The following PHLDB2 variants were observed in gnomAD, a reference collection of about 807,000 sequenced individuals.
PHLDB2 encodes pleckstrin homology like domain family B member 2, also known as pleckstrin homology-like domain family B member 2.
In PHLDB2, 71 loss-of-function variants were observed where a neutral mutation model predicts 123.6. The ratio of observed to expected loss-of-function variants is 0.57; its 90% CI spans 0.47 to 0.70. PHLDB2 has a LOEUF of 0.70. PHLDB2 is among the 30% of genes least tolerant of loss of function. The pLI, the probability that PHLDB2 is intolerant of heterozygous loss-of-function variation, is 0.00. For missense variants in PHLDB2, 1,446 were observed against 1,519.5 expected (o/e 0.95, Z 0.80); for synonymous variants, 547 against 541.6 (o/e 1.01, Z -0.14).
intron 2 of PHLDB2, among the ~76,000 whole-genome samples, chr3:111,907,951 C>T (rs575268973): frequency 6.6e-6 from 1 of 152,274 alleles, no homozygotes; most frequent in Non-Finnish European, 1.5e-5. Flanking sequence ...CATGAGCCAC[C>T]ACGCCCAGGT....
At chr3:111,928,905 G>T (rs1300739168) in intron 5 of PHLDB2, among the ~76,000 whole-genome samples, 1 of 152,138 alleles carries the variant, frequency 6.6e-6, no homozygotes, top group East Asian at 1.9e-4. Context: ...GATTTTCCTG[G>T]AGTGTTCCAA....
At chr3:111,865,539 T>C (rs2108672838) in intron 1 of PHLDB2, among the ~76,000 whole-genome samples, 1 of 152,274 alleles carries the variant, frequency 6.6e-6, no homozygotes. Flanking sequence ...AGAAAGAACA[T>C]GTAGTTCACT....
chr3:111,738,173 A>G (rs2059541600), intron 1 of PHLDB2, among the ~76,000 whole-genome samples: 2 of 152,206 alleles, frequency 1.3e-5, no homozygotes, highest in South Asian at 4.1e-4. Context: ...CCAGAACGTG[A>G]CTGTTCTCTA....
At chr3:111,780,460 T>C (rs2060427078) in intron 1 of PHLDB2, among the ~76,000 whole-genome samples, 1 of 150,722 alleles carries the variant, frequency 6.6e-6, no homozygotes, top group Non-Finnish European at 1.5e-5. Context: ...TGCTTTCTTT[T>C]CCATTATGAA....
At chr3:111,770,491 C>A (rs1313337893) in intron 1 of PHLDB2, among the ~76,000 whole-genome samples, 1 of 152,170 alleles carries the variant, frequency 6.6e-6, no homozygotes, top group Non-Finnish European at 1.5e-5. Flanking sequence ...TCCCCAGACA[C>A]AACAATTCTC....
chr3:111,823,784 T>C (rs1165535207), intron 1 of PHLDB2, among the ~76,000 whole-genome samples: 2 of 152,168 alleles, frequency 1.3e-5, no homozygotes, highest in Non-Finnish European at 2.9e-5. Flanking sequence ...CTGAGAGCTA[T>C]AAAGAAAATA....
intron 1 of PHLDB2, among the ~76,000 whole-genome samples, chr3:111,839,050 A>G (rs1026043405): frequency 6.6e-6 from 1 of 152,178 alleles, no homozygotes; most frequent in African/African-American, 2.4e-5. Context: ...CACTCAAGCA[A>G]TTATTCATTT....
chr3:111,928,499 A>G (rs1306821402), intron 5 of PHLDB2, among the ~76,000 whole-genome samples: 1 of 152,190 alleles, frequency 6.6e-6, no homozygotes, highest in East Asian at 1.9e-4. Context: ...TAGTATATTT[A>G]AAAGCTCTTC....
chr3:111,884,572 A>G lies in PHLDB2; in HGVS notation c.495A>G (p.Gly165=). 6.2e-7 allele frequency: 1 copy of G among 1,614,102 alleles called. No homozygotes were observed. The highest frequency in any genetic ancestry group is 8.5e-7 in the Non-Finnish European group (1 of 1,180,022). ...HKSHDNVYSL[G]GLEGRKASGS... is the part of the protein sequence containing the mutation. ...CGCATGACAATGTCTACTCTCTTGG[A>G]GGGCTGGAAGGTCGGAAGGCATCTG... Residue 165 remains glycine (G), a synonymous_variant, in exon 2 of 18, where the codon GGA becomes GGG. Transcript: ENST00000431670.
intron 1 of PHLDB2, among the ~76,000 whole-genome samples, chr3:111,828,861 G>C (rs573640006): frequency 3.9e-5 from 6 of 152,220 alleles, no homozygotes; most frequent in Non-Finnish European, 7.4e-5. Flanking sequence ...ATGAAACCTA[G>C]AAAACATCTA....
intron 1 of PHLDB2, among the ~76,000 whole-genome samples, chr3:111,786,633 C>T (rs753903308): frequency 3.3e-5 from 5 of 152,218 alleles, no homozygotes; most frequent in East Asian, 1.9e-4. Flanking sequence ...GACAGAGCAT[C>T]GGCAACTTAG....
chr3:111,901,197 A>G (rs2067180726), intron 2 of PHLDB2, among the ~76,000 whole-genome samples: 1 of 144,968 alleles, frequency 6.9e-6, no homozygotes, highest in Non-Finnish European at 1.5e-5. Context: ...ATCTCTACTA[A>G]AAATACAAAA....
chr3:111,834,365 T>C (rs2063302735), intron 1 of PHLDB2, among the ~76,000 whole-genome samples: 1 of 143,526 alleles, frequency 7.0e-6, no homozygotes, highest in Non-Finnish European at 1.5e-5. Context: ...TGACTATATA[T>C]ATAGTCATCT....
Position 111,882,525 on chromosome 3 carries a change from C to A in PHLDB2, c.-14-1539C>A, listed in dbSNP as rs2065979694. 2.0e-5 allele frequency among the ~76,000 whole-genome samples: 3 copies of A among 152,114 alleles called. No homozygotes were observed. In the South Asian group the frequency reaches 6.2e-4, roughly 32 times the overall value. On this transcript the variant is annotated intron_variant, in intron 1 of 17. Transcript: ENST00000431670. ...AAGAGCTAGATGGCAGGACTAGATC[C>A]CAGCTGGGAGCCAAATATAATGAAG...
intron 1 of PHLDB2, among the ~76,000 whole-genome samples, chr3:111,795,153 A>C (rs1440367143): frequency 6.6e-6 from 1 of 152,120 alleles, no homozygotes; most frequent in Non-Finnish European, 1.5e-5. Flanking sequence ...AAGGTATGTA[A>C]ATGAAAGAAG....
At chr3:111,913,771 C>T (rs746131308) in intron 3 of PHLDB2, 69 bp downstream of exon 3, 2 of 1,433,644 alleles carry the variant, frequency 1.4e-6, no homozygotes, top group Non-Finnish European at 1.9e-6. Flanking sequence ...GGCATGAAAA[C>T]TGATGATTTT....
intron 1 of PHLDB2, among the ~76,000 whole-genome samples, chr3:111,766,450 A>G (rs1576542511): frequency 6.6e-6 from 1 of 151,906 alleles, no homozygotes; most frequent in South Asian, 2.1e-4. Context: ...TCTCAAAAAA[A>G]AAAAAAAAAG....
intron 9 of PHLDB2, among the ~76,000 whole-genome samples, 161 bp from the exon 10 acceptor site, chr3:111,948,771 C>T (rs1396036260): frequency 1.3e-5 from 2 of 152,160 alleles, no homozygotes; most frequent in African/African-American, 4.8e-5. Flanking sequence ...AATGTAAATC[C>T]ATTTTAATTG....
chr3:111,837,173 C>T (rs1313392577), intron 1 of PHLDB2, among the ~76,000 whole-genome samples: 1 of 152,114 alleles, frequency 6.6e-6, no homozygotes, highest in African/African-American at 2.4e-5. Flanking sequence ...AGAACACAGT[C>T]TGCATAGAGT....
Sources: gnomAD v4.1 joint callset for allele counts (sites outside exome capture counted in the v4.1 genomes callset) on GRCh38, gnomAD v4.1.1 for gene constraint, MANE v1.5 for transcripts, NCBI Gene and HGNC (gene_info 2026-07-23, HGNC 2026-07-21) for gene names.